PHACTR1: variants seen among roughly 807,000 people sequenced by gnomAD.
The protein encoded by PHACTR1 is RPEL repeat containing 1.
In PHACTR1, 16 loss-of-function variants were observed where a neutral mutation model predicts 69.2. The observed-to-expected ratio is 0.23, with a 90% CI of 0.16 to 0.35. The LOEUF (loss-of-function observed/expected upper bound fraction) is 0.35. Among genes scored for constraint, PHACTR1 ranks in the 10% least tolerant of loss-of-function variants. The probability of loss-of-function intolerance (pLI) is 1.00; values close to 1 mark genes in which losing one functional copy is unlikely to be tolerated. For missense variants in PHACTR1, 510 were observed against 734.7 expected (o/e 0.69, Z 3.54); for synonymous variants, 312 against 284.5 (o/e 1.10, Z -0.97).
At chr6:13,253,575 G>C (rs895729097) in intron 10 of PHACTR1, among the ~76,000 whole-genome samples, 3 of 152,316 alleles carry the variant, frequency 2.0e-5, no homozygotes, top group African/African-American at 2.4e-5. Context: ...AAGCAACACT[G>C]CTTAGAGAAG....
chr6:13,150,216 ATGCC>A lies in PHACTR1; in HGVS notation c.416-9985_416-9982del, dbSNP rs1345690927. On this transcript the variant is annotated intron_variant, in intron 5 of 14. Coordinates refer to ENST00000332995, the MANE Select transcript of PHACTR1 (RefSeq NM_030948.6). Reference sequence around the variant, plus strand: ...ACAAGTTAGCCTGGTGTGGTACCGCATGCCTGTCCCAGCAACTTGGGAGGCTGAG... The same window carrying A: ...ACAAGTTAGCCTGGTGTGGTACCGCATGTCCCAGCAACTTGGGAGGCTGAG... 3.9e-5 allele frequency among the ~76,000 whole-genome samples: 6 copies of A among 152,236 alleles called. No homozygotes were observed. The South Asian group carries it at 1.0e-3, about 26-fold the overall frequency.
chr6:13,194,426 GGA>G (rs200707271), intron 7 of PHACTR1, among the ~76,000 whole-genome samples: 50 of 117,112 alleles, frequency 4.3e-4, no homozygotes, highest in African/African-American at 1.4e-3. Flanking sequence ...AAGAAAGAAA[GGA>G]AAAAGAAAAG....
At chr6:12,754,047 C>T (rs1289627558) in intron 4 of PHACTR1, among the ~76,000 whole-genome samples, 4 of 149,404 alleles carry the variant, frequency 2.7e-5, no homozygotes, top group Non-Finnish European at 3.0e-5. Context: ...ACTGCAAGTT[C>T]CGCTTCCCAG....
rs148033061 is a variant in PHACTR1, at chr6:13,171,955, C to T, written c.497-10564C>T. 5.6e-4 allele frequency among the ~76,000 whole-genome samples: 85 copies of T among 152,154 alleles called. No individual in the cohort carries two copies. The East Asian group carries it at 0.014, about 25-fold the overall frequency. ...TAATTTTTTGTATTTTTTGTAGAGACGGGTTTTCACCGTGTTGGCCAGGCT... is the reference window on the plus strand; with the variant it reads ...TAATTTTTTGTATTTTTTGTAGAGATGGGTTTTCACCGTGTTGGCCAGGCT... On this transcript the variant is annotated intron_variant, in intron 6 of 14. Coordinates refer to ENST00000332995, the MANE Select transcript of PHACTR1 (RefSeq NM_030948.6).
At chr6:13,086,417 C>T (rs1454687851) in intron 5 of PHACTR1, among the ~76,000 whole-genome samples, 1 of 152,004 alleles carries the variant, frequency 6.6e-6, no homozygotes, top group Non-Finnish European at 1.5e-5. Flanking sequence ...TATATACAGA[C>T]ATGTAACCCC....
At chr6:13,013,251 C>T (rs576846102) in intron 4 of PHACTR1, among the ~76,000 whole-genome samples, 12 of 152,246 alleles carry the variant, frequency 7.9e-5, no homozygotes, top group African/African-American at 2.6e-4. Context: ...TTTTAATGAC[C>T]CTGGCGTTAA....
chr6:13,020,846 G>T (rs1447773561), intron 4 of PHACTR1, among the ~76,000 whole-genome samples: 2 of 152,144 alleles, frequency 1.3e-5, no homozygotes, highest in African/African-American at 2.4e-5. Context: ...GTGGCTGTAA[G>T]GACAGTGGTG....
intron 4 of PHACTR1, among the ~76,000 whole-genome samples, chr6:12,875,704 C>G (rs576800948): frequency 1.0e-3 from 153 of 152,270 alleles, no homozygotes; most frequent in African/African-American, 3.5e-3. Flanking sequence ...AGCTCCCAGG[C>G]AGCGCTGAAG....
chr6:13,186,234 G>A (rs947401253), intron 7 of PHACTR1, among the ~76,000 whole-genome samples: 7 of 152,168 alleles, frequency 4.6e-5, no homozygotes, highest in Non-Finnish European at 7.3e-5. Context: ...CCTCCTTCTA[G>A]GCAATATCCA....
At chr6:12,803,995 T>G (rs1774006485) in intron 4 of PHACTR1, among the ~76,000 whole-genome samples, 1 of 152,196 alleles carries the variant, frequency 6.6e-6, no homozygotes, top group Non-Finnish European at 1.5e-5. Flanking sequence ...GGCAAAGGGC[T>G]AAATAGGATT....
rs549817074 is a variant in PHACTR1, at chr6:13,185,225, C to A, written c.664+2539C>A. On this transcript the variant is annotated intron_variant, in intron 7 of 14. Coordinates refer to ENST00000332995, the MANE Select transcript of PHACTR1 (RefSeq NM_030948.6). ...TGATATCCACCTACCAGCCATATGCCAAGAGCTTTCAGTCATGTGTATCTG... is the reference window on the plus strand; with the variant it reads ...TGATATCCACCTACCAGCCATATGCAAAGAGCTTTCAGTCATGTGTATCTG... Among the ~76,000 whole-genome samples the A allele has an allele frequency of 2.0e-5, 3 of 152,250 alleles. No homozygotes were observed. In the South Asian group the frequency reaches 6.2e-4, roughly 32 times the overall value.
At chr6:12,998,376 G>T (rs1274386208) in intron 4 of PHACTR1, among the ~76,000 whole-genome samples, 2 of 152,074 alleles carry the variant, frequency 1.3e-5, no homozygotes, top group Non-Finnish European at 2.9e-5. Context: ...TCAGCACTTT[G>T]GGAGGCTGAG....
At chr6:13,190,518 A>T (rs955756943) in intron 7 of PHACTR1, among the ~76,000 whole-genome samples, 20 of 152,134 alleles carry the variant, frequency 1.3e-4, no homozygotes, top group African/African-American at 4.8e-4. Flanking sequence ...GACAAAAATT[A>T]TCTAGTTCTT....
At chr6:13,271,745 T>C (rs896144160) in intron 10 of PHACTR1, among the ~76,000 whole-genome samples, 2 of 152,090 alleles carry the variant, frequency 1.3e-5, no homozygotes, top group Non-Finnish European at 2.9e-5. Flanking sequence ...AACCGAAGAA[T>C]GTGGAACTCA....
At chr6:12,852,870 G>A (rs1395129972) in intron 4 of PHACTR1, among the ~76,000 whole-genome samples, 2 of 152,176 alleles carry the variant, frequency 1.3e-5, no homozygotes, top group South Asian at 2.1e-4. Flanking sequence ...CCTTATCCAA[G>A]CATGCTGAAA....
At chr6:12,960,853 C>T (rs1792626653) in intron 4 of PHACTR1, among the ~76,000 whole-genome samples, 1 of 152,146 alleles carries the variant, frequency 6.6e-6, no homozygotes, top group Non-Finnish European at 1.5e-5. Context: ...AATCTACTAC[C>T]CTTAAATGGC....
chr6:12,782,142 G>A (rs927952938), intron 4 of PHACTR1, among the ~76,000 whole-genome samples: 12 of 152,104 alleles, frequency 7.9e-5, no homozygotes, highest in African/African-American at 2.9e-4. Flanking sequence ...AGTCCATCAG[G>A]GATAAGCTTT....
intron 4 of PHACTR1, among the ~76,000 whole-genome samples, chr6:12,992,229 T>C (rs1198937061): frequency 6.6e-6 from 1 of 152,186 alleles, no homozygotes; most frequent in Non-Finnish European, 1.5e-5. Flanking sequence ...AAATTGAAAA[T>C]GAAGTCCCTT....
At chr6:13,225,396 C>A (rs1220626354) in intron 8 of PHACTR1, among the ~76,000 whole-genome samples, 4 of 152,196 alleles carry the variant, frequency 2.6e-5, no homozygotes, top group Non-Finnish European at 4.4e-5. Flanking sequence ...TCATTGGCCA[C>A]CTGACCAATC....
Sources: allele counts gnomAD v4.1 joint callset (sites outside exome capture counted in the v4.1 genomes callset), GRCh38; gene constraint gnomAD v4.1.1; transcripts MANE v1.5; gene names NCBI Gene and HGNC (gene_info 2026-07-23, HGNC 2026-07-21).